The following SYT1 variants were observed in gnomAD, a reference collection of about 807,000 sequenced individuals.
SYT1 encodes synaptotagmin 1.
A neutral mutation model predicts 44.8 loss-of-function variants in SYT1; 8 were observed. That is an observed-to-expected ratio of 0.18 (90% CI 0.10 to 0.32). The LOEUF (loss-of-function observed/expected upper bound fraction) is 0.32, where lower values mean the gene tolerates loss of function less well. Among genes scored for constraint, SYT1 ranks in the 10% least tolerant of loss-of-function variants. The pLI is 1.00. For synonymous variants in SYT1, 154 were observed against 188.8 expected (o/e 0.82, Z 1.51); for missense variants, 286 against 509.3 (o/e 0.56, Z 4.22).
intron 3 of SYT1, among the ~76,000 whole-genome samples, chr12:79,064,275 A>G (rs983334711): frequency 6.6e-6 from 1 of 152,198 alleles, no homozygotes; most frequent in Admixed American, 6.5e-5. Flanking sequence ...GGAAGGAAAG[A>G]AGAAAGCCTG....
intron 2 of SYT1, among the ~76,000 whole-genome samples, chr12:78,994,042 T>C (rs1425947071): frequency 6.6e-6 from 1 of 152,238 alleles, no homozygotes; most frequent in African/African-American, 2.4e-5. Context: ...CCCAAAACTT[T>C]ACAACTCCTT....
intron 3 of SYT1, among the ~76,000 whole-genome samples, chr12:79,116,745 A>G (rs1355370834): frequency 6.6e-6 from 1 of 152,158 alleles, no homozygotes; most frequent in East Asian, 1.9e-4. Flanking sequence ...TAGGATAACT[A>G]TTTGCTGTAT....
At chr12:79,215,925 T>C (rs1439378193) in intron 3 of SYT1, among the ~76,000 whole-genome samples, 8 of 122,670 alleles carry the variant, frequency 6.5e-5, no homozygotes, top group African/African-American at 2.3e-4. Flanking sequence ...TTTCTTTTTT[T>C]TTTTTTTTTT....
At chr12:78,962,329 T>C (rs1195998741) in intron 1 of SYT1, among the ~76,000 whole-genome samples, 1 of 145,502 alleles carries the variant, frequency 6.9e-6, no homozygotes, top group Non-Finnish European at 1.5e-5. Flanking sequence ...AATAGCATTC[T>C]TTCTTTTTTT....
chr12:79,411,424 G>A (rs1026449311), intron 9 of SYT1, among the ~76,000 whole-genome samples: 4 of 152,084 alleles, frequency 2.6e-5, no homozygotes, highest in African/African-American at 9.7e-5. Flanking sequence ...AAATTAGGGT[G>A]CTAAAACTAA....
intron 3 of SYT1, among the ~76,000 whole-genome samples, chr12:79,129,963 A>G (rs749663790): frequency 1.3e-5 from 2 of 152,206 alleles, no homozygotes; most frequent in Non-Finnish European, 2.9e-5. Flanking sequence ...GGCCAGATGG[A>G]GAGAATTACA....
intron 9 of SYT1, among the ~76,000 whole-genome samples, chr12:79,426,315 G>C (rs1408035964): frequency 6.6e-6 from 1 of 152,044 alleles, no homozygotes; most frequent in African/African-American, 2.4e-5. Context: ...TTTAGCACTT[G>C]CAATCCTTCC....
At chr12:79,056,417 C>T (rs889804247) in intron 3 of SYT1, among the ~76,000 whole-genome samples, 2 of 152,150 alleles carry the variant, frequency 1.3e-5, no homozygotes, top group East Asian at 3.9e-4. Context: ...ATCTCAATAG[C>T]ATGACTCACT....
chr12:79,056,905 A>G lies in SYT1; in HGVS notation c.-18+9543A>G, dbSNP rs1874989881. ...TCTTCAAATGAAAATTTTCATATTC[A>G]CCATTTTAAGTGGTTTTGTTGTTTG... On this transcript the variant is annotated intron_variant, in intron 3 of 10. Transcript: ENST00000261205. 2.6e-5 allele frequency among the ~76,000 whole-genome samples: 4 copies of G among 152,052 alleles called. No individual in the cohort carries two copies. The South Asian group carries it at 8.3e-4, about 32-fold the overall frequency.
At chr12:79,312,613 T>C (rs1445057784) in intron 8 of SYT1, among the ~76,000 whole-genome samples, 1 of 152,184 alleles carries the variant, frequency 6.6e-6, no homozygotes, top group African/African-American at 2.4e-5. Flanking sequence ...TAATCTTAGG[T>C]AGTCTTATGA....
chr12:79,371,654 G>T (rs1380312986), intron 9 of SYT1, among the ~76,000 whole-genome samples: 1 of 152,194 alleles, frequency 6.6e-6, no homozygotes. Flanking sequence ...ACAAAAAAGA[G>T]TGGCCGTGAA....
At chr12:79,109,042 A>C (rs1263223092) in intron 3 of SYT1, among the ~76,000 whole-genome samples, 1 of 152,182 alleles carries the variant, frequency 6.6e-6, no homozygotes, top group Non-Finnish European at 1.5e-5. Flanking sequence ...CAAGGAAAAG[A>C]GGGAAAACAG....
At chr12:79,186,182 G>A (rs1267449519) in intron 3 of SYT1, among the ~76,000 whole-genome samples, 1 of 151,818 alleles carries the variant, frequency 6.6e-6, no homozygotes, top group African/African-American at 2.4e-5. Context: ...ATTTTTATGA[G>A]TAATATGACA....
At chr12:78,971,996 T>TCAA (rs1868414656) in intron 1 of SYT1, among the ~76,000 whole-genome samples, 1 of 152,164 alleles carries the variant, frequency 6.6e-6, no homozygotes, top group Admixed American at 6.5e-5. Context: ...AAAGTTCCTA[T>TCAA]TAATAGGTAA....
At chr12:79,181,139 C>T (rs1872515783) in intron 3 of SYT1, among the ~76,000 whole-genome samples, 1 of 152,170 alleles carries the variant, frequency 6.6e-6, no homozygotes, top group African/African-American at 2.4e-5. Flanking sequence ...ATTACCCAGT[C>T]TTGGGTATGT....
At chr12:78,991,620 T>G (rs1017178868) in intron 2 of SYT1, among the ~76,000 whole-genome samples, 1 of 152,176 alleles carries the variant, frequency 6.6e-6, no homozygotes, top group African/African-American at 2.4e-5. Context: ...GTGGCACTAT[T>G]TAAAATTAGA....
At chr12:78,979,323 A>G (rs1422258603) in intron 2 of SYT1, among the ~76,000 whole-genome samples, 1 of 152,136 alleles carries the variant, frequency 6.6e-6, no homozygotes, top group Non-Finnish European at 1.5e-5. Flanking sequence ...GAACATTTTC[A>G]TCTTCTTTCC....
intron 3 of SYT1, among the ~76,000 whole-genome samples, chr12:79,125,451 C>CAAAAGAAAAAA (rs1868377388): frequency 1.0e-5 from 1 of 99,060 alleles, no homozygotes; most frequent in South Asian, 3.2e-4. Flanking sequence ...ACTGTCTCTA[C>CAAAAGAAAAAA]AAAAAAAAAA....
intron 3 of SYT1, among the ~76,000 whole-genome samples, chr12:79,126,774 G>A (rs1304407727): frequency 2.0e-5 from 3 of 152,182 alleles, no homozygotes; most frequent in Admixed American, 6.5e-5. Flanking sequence ...GGGTACTAGA[G>A]AGTAGGGACT....
Sources: allele counts gnomAD v4.1 joint callset (sites outside exome capture counted in the v4.1 genomes callset), GRCh38; gene constraint gnomAD v4.1.1; transcripts MANE v1.5; gene names NCBI Gene and HGNC (gene_info 2026-07-23, HGNC 2026-07-21).